Variants in PPP1R14C observed in about 807,000 individuals in gnomAD.
PPP1R14C encodes protein phosphatase 1 regulatory subunit 14C.
Under a neutral mutation model 20.4 loss-of-function variants are expected in PPP1R14C, and 16 were observed. The observed-to-expected ratio is 0.78, with a 90% CI of 0.53 to 1.19. The LOEUF is 1.19. Ranked by LOEUF, PPP1R14C falls within the 50% of genes most tolerant of loss-of-function variation. The pLI is 0.00. For missense variants in PPP1R14C, 211 were observed against 220.1 expected (o/e 0.96, Z 0.26); for synonymous variants, 91 against 91.0 (o/e 1.00, Z 0.00).
At chr6:150,205,321 C>T (rs1453184850) in intron 1 of PPP1R14C, among the ~76,000 whole-genome samples, 1 of 152,140 alleles carries the variant, frequency 6.6e-6, no homozygotes, top group Non-Finnish European at 1.5e-5. Flanking sequence ...GGGTACTTCT[C>T]TTACCACCTG....
At chr6:150,198,802 G>A (rs900385036) in intron 1 of PPP1R14C, among the ~76,000 whole-genome samples, 3 of 152,196 alleles carry the variant, frequency 2.0e-5, no homozygotes, top group Non-Finnish European at 4.4e-5. Context: ...CATCTGCCTC[G>A]CTCATCATCA....
At chr6:150,148,909 C>T (rs909834327) in intron 1 of PPP1R14C, among the ~76,000 whole-genome samples, 2 of 151,942 alleles carry the variant, frequency 1.3e-5, no homozygotes, top group African/African-American at 4.8e-5. Flanking sequence ...ACAAAAAATA[C>T]AAAAATTAGC....
In PPP1R14C at chr6:150,205,735, T is replaced by A. The variant is rs143611594; in HGVS notation, c.307-9009T>A. ...TGAACTTGGGAGGTGGAGATTGCAGTGAGCCGAGATAGCACCACTACACTC... is the reference window on the plus strand; with the variant it reads ...TGAACTTGGGAGGTGGAGATTGCAGAGAGCCGAGATAGCACCACTACACTC... On this transcript the variant is annotated intron_variant, in intron 1 of 3. Transcript: ENST00000361131. Among the ~76,000 whole-genome samples the A allele has an allele frequency of 3.0e-4, 45 of 147,590 alleles. No individual in the cohort carries two copies. In the East Asian group the frequency reaches 8.8e-3, roughly 29 times the overall value.
intron 3 of PPP1R14C, among the ~76,000 whole-genome samples, chr6:150,221,192 G>T (rs1302526777): frequency 6.6e-6 from 1 of 152,232 alleles, no homozygotes; most frequent in Admixed American, 6.5e-5. Flanking sequence ...TTTTTCCAGA[G>T]CTCTGTAGTT....
intron 1 of PPP1R14C, among the ~76,000 whole-genome samples, chr6:150,167,243 C>T (rs1453329924): frequency 1.3e-5 from 2 of 152,156 alleles, no homozygotes; most frequent in East Asian, 3.9e-4. Context: ...TGGCACACAC[C>T]TGTAATCCCA....
intron 3 of PPP1R14C, among the ~76,000 whole-genome samples, chr6:150,237,783 C>A (rs886589966): frequency 6.6e-6 from 1 of 152,132 alleles, no homozygotes; most frequent in Admixed American, 6.5e-5. Context: ...GATTTGAACC[C>A]AAGTCATCTG....
At chr6:150,214,073 G>C (rs1778060392) in intron 1 of PPP1R14C, among the ~76,000 whole-genome samples, 1 of 152,230 alleles carries the variant, frequency 6.6e-6, no homozygotes, top group South Asian at 2.1e-4. Flanking sequence ...AGGGAGTGAA[G>C]GGGACGTTCT....
intron 3 of PPP1R14C, among the ~76,000 whole-genome samples, chr6:150,244,704 T>C (rs1778472013): frequency 6.6e-6 from 1 of 152,232 alleles, no homozygotes; most frequent in South Asian, 2.1e-4. Flanking sequence ...AATAGCCACA[T>C]ATGGTTAGTG....
At chr6:150,151,640 A>T (rs886570938) in intron 1 of PPP1R14C, among the ~76,000 whole-genome samples, 3 of 152,220 alleles carry the variant, frequency 2.0e-5, no homozygotes, top group Non-Finnish European at 4.4e-5. Context: ...AGATTTATGC[A>T]TCTTACCTCA....
chr6:150,219,221 TTTATTA>T (rs71898538), intron 3 of PPP1R14C, among the ~76,000 whole-genome samples: 12 of 151,216 alleles, frequency 7.9e-5, no homozygotes, highest in East Asian at 2.0e-4. Context: ...AATCCTTGCC[TTTATTA>T]TTATTATTAT....
intron 3 of PPP1R14C, among the ~76,000 whole-genome samples, chr6:150,234,805 C>T (rs147553282): frequency 0.015 from 2,048 of 135,050 alleles, 26 homozygotes; most frequent in Middle Eastern, 0.024. Context: ...GCTGAAATTG[C>T]GCCACTGAAC....
In PPP1R14C at chr6:150,201,582, G is replaced by T. The variant is rs531078161; in HGVS notation, c.307-13162G>T. Among the ~76,000 whole-genome samples the T allele has an allele frequency of 6.6e-6, 1 of 152,280 alleles. No individual in the cohort carries two copies. Among genetic ancestry groups the T allele is most frequent in the South Asian group, 2.1e-4 (1 of 4,826 alleles). On this transcript the variant is annotated intron_variant, in intron 1 of 3. Transcript: ENST00000361131. This position sits in a 1 kb window ranked among gnomAD's most constrained non-coding sequence, Gnocchi z 4.2. Reference sequence around the variant, plus strand: ...AGCAGGGGAAGCCTTCCAGGCAGAGGTAAGACTGTTGGTCCTAAGACTGGT... The same window carrying T: ...AGCAGGGGAAGCCTTCCAGGCAGAGTTAAGACTGTTGGTCCTAAGACTGGT...
At chr6:150,211,422 AC>A (rs1778023564) in intron 1 of PPP1R14C, among the ~76,000 whole-genome samples, 1 of 152,086 alleles carries the variant, frequency 6.6e-6, no homozygotes, top group Non-Finnish European at 1.5e-5. Flanking sequence ...CAGTTGTTTC[AC>A]TTTTTGTCAC....
At chr6:150,144,746 A>G (rs1777163263) in intron 1 of PPP1R14C, among the ~76,000 whole-genome samples, 1 of 152,244 alleles carries the variant, frequency 6.6e-6, no homozygotes, top group African/African-American at 2.4e-5. Flanking sequence ...TTATAATATA[A>G]TGAAGCTTGA....
At chr6:150,236,342 C>A (rs1273028058) in intron 3 of PPP1R14C, among the ~76,000 whole-genome samples, 2 of 152,118 alleles carry the variant, frequency 1.3e-5, no homozygotes, top group East Asian at 3.9e-4. Context: ...CTGTGCCAAG[C>A]AAACTAGAAA....
chr6:150,200,171 G>GATAT (rs145406314), intron 1 of PPP1R14C, among the ~76,000 whole-genome samples: 1 of 147,926 alleles, frequency 6.8e-6, no homozygotes, highest in African/African-American at 2.5e-5. Context: ...GCTTTTATAG[G>GATAT]ATATATATAT....
chr6:150,143,519 G>GTGGT lies in PPP1R14C; in HGVS notation c.306+21_306+22insTGGT. ...GCGAGGTACCTGGGCGCGGGGCTGG[G>GTGGT]AGGGTCGGGGACCTCTCTAGCTCCT... On this transcript the variant is annotated intron_variant, in intron 1 of 3. Transcript: ENST00000361131. The surrounding 1 kb of genome is among the most constrained non-coding windows in gnomAD (Gnocchi z 5.6). 7.2e-7 allele frequency: 1 copy of GTGGT among 1,393,834 alleles called. No homozygotes were observed. Among genetic ancestry groups the GTGGT allele is most frequent in the Non-Finnish European group, 1.0e-6 (1 of 1,004,920 alleles). 86.3% of individuals were successfully genotyped at this position (1,393,834 alleles called of 1,614,324 possible). A position where few individuals can be genotyped will look rare whatever the true frequency, so the allele number is the denominator to read the frequency against.
intron 3 of PPP1R14C, among the ~76,000 whole-genome samples, chr6:150,233,116 T>C (rs977764731): frequency 7.9e-5 from 12 of 152,118 alleles, no homozygotes; most frequent in Admixed American, 1.3e-4. Context: ...AAACCAGAGC[T>C]AAAGATGAGA....
intron 1 of PPP1R14C, among the ~76,000 whole-genome samples, chr6:150,183,017 A>G (rs767184091): frequency 3.9e-5 from 6 of 152,242 alleles, no homozygotes; most frequent in African/African-American, 7.2e-5. Context: ...ATGGTATTTT[A>G]ATCTTATGGG....
Sources: gnomAD v4.1 joint callset for allele counts (sites outside exome capture counted in the v4.1 genomes callset) on GRCh38, gnomAD v4.1.1 for gene constraint, Gnocchi (gnomAD v3.1) non-coding constraint, MANE v1.5 for transcripts, NCBI Gene and HGNC (gene_info 2026-07-23, HGNC 2026-07-21) for gene names.